Variants in PIAS2 observed in about 807,000 individuals in gnomAD.
PIAS2 encodes protein inhibitor of activated STAT 2.
Under a neutral mutation model 69.7 loss-of-function variants are expected in PIAS2, and 19 were observed. The ratio of observed to expected loss-of-function variants is 0.27; its 90% CI spans 0.19 to 0.40. The LOEUF (loss-of-function observed/expected upper bound fraction) is 0.40. Among genes scored for constraint, PIAS2 ranks in the 10% least tolerant of loss-of-function variants. The pLI is 1.00. For missense variants in PIAS2, 624 were observed against 757.0 expected, an observed-to-expected ratio of 0.82 and a Z score of 2.06; for synonymous variants, 261 against 263.2, an observed-to-expected ratio of 0.99 and a Z score of 0.08.
chr18:46,821,232 A>G (rs561480276), intron 11 of PIAS2, among the ~76,000 whole-genome samples, 160 bp from the exon 12 acceptor site: 3 of 152,178 alleles, frequency 2.0e-5, no homozygotes, highest in African/African-American at 2.4e-5. Flanking sequence ...CTCCTCTCCC[A>G]TAATAGTCTT....
chr18:46,832,061 T>C (rs1340341439), intron 9 of PIAS2, among the ~76,000 whole-genome samples: 3 of 152,196 alleles, frequency 2.0e-5, no homozygotes, highest in African/African-American at 7.2e-5. Flanking sequence ...GGTAAGACGT[T>C]TGTATCCAGA....
At chr18:46,831,030 A>G (rs62095377) in intron 9 of PIAS2, among the ~76,000 whole-genome samples, 178 of 152,318 alleles carry the variant, frequency 1.2e-3, no homozygotes, top group South Asian at 7.5e-3. Context: ...GTCAATCAAC[A>G]TAATTCACCG....
In PIAS2 at chr18:46,917,253, G is replaced by A. The variant is rs888641192; in HGVS notation, c.24+69C>T. On this transcript the variant is annotated intron_variant, in intron 1 of 13. Coordinates refer to ENST00000585916, the MANE Select transcript of PIAS2 (RefSeq NM_004671.5). ...GAGGCACGAGCAGGCGGCGGCCGGC[G>A]ACGTTGCGGTTTCCCCACCTCCTCT... 17 of 1,426,070 alleles carry A rather than the reference G, an allele frequency of 1.2e-5. No homozygotes were observed. In the African/African-American group the frequency reaches 2.2e-4, roughly 19 times the overall value. The allele number at this position is 1,426,070 out of a possible 1,614,324, so 88.3% of individuals were successfully genotyped here.
chr18:46,885,520 C>CAA (rs562180662), intron 2 of PIAS2, among the ~76,000 whole-genome samples: 18 of 112,250 alleles, frequency 1.6e-4, no homozygotes, highest in African/African-American at 5.5e-4. Flanking sequence ...GACTCCATCT[C>CAA]AAAAAAAAAA....
At chr18:46,870,735 A>G (rs2145708749) in intron 2 of PIAS2, among the ~76,000 whole-genome samples, 1 of 152,012 alleles carries the variant, frequency 6.6e-6, no homozygotes, top group African/African-American at 2.4e-5. Flanking sequence ...GGGCAGAGTT[A>G]ATGACCATCC....
chr18:46,815,834 C>CAGTA, intron 12 of PIAS2: 1 of 992,538 alleles, frequency 1.0e-6, no homozygotes, highest in South Asian at 4.6e-5. Flanking sequence ...ACATCAAGAG[C>CAGTA]AGTACATAGT....
At chr18:46,911,906 C>T (rs557172035) in intron 1 of PIAS2, among the ~76,000 whole-genome samples, 1 of 152,212 alleles carries the variant, frequency 6.6e-6, no homozygotes, top group African/African-American at 2.4e-5. Context: ...CAAAAATTAG[C>T]CAGGCATGGT....
chr18:46,829,985 T>G, intron 9 of PIAS2, 118 bp from the exon 10 acceptor site: 1 of 815,982 alleles, frequency 1.2e-6, no homozygotes, highest in Non-Finnish European at 1.9e-6. Flanking sequence ...CCCTTTTCTT[T>G]TGGTATTGCA....
upstream of PIAS2, chr18:46,917,533 A>T (rs2058127577): frequency 8.7e-7 from 1 of 1,144,178 alleles, no homozygotes; most frequent in Non-Finnish European, 1.1e-6. Context: ...TCCGCCTCCG[A>T]CGCGCCGAAG....
chr18:46,859,045 T>C (rs1213445104), intron 3 of PIAS2, among the ~76,000 whole-genome samples: 1 of 152,194 alleles, frequency 6.6e-6, no homozygotes, highest in African/African-American at 2.4e-5. Context: ...CAGAATTCAC[T>C]TTATACTTAG....
intron 11 of PIAS2, among the ~76,000 whole-genome samples, chr18:46,824,916 C>T (rs1470716989): frequency 6.6e-6 from 1 of 151,098 alleles, no homozygotes; most frequent in East Asian, 1.9e-4. Flanking sequence ...AGGAGGATCG[C>T]TTCAACCCAG....
intron 2 of PIAS2, among the ~76,000 whole-genome samples, chr18:46,886,004 T>G (rs1034292006): frequency 6.6e-6 from 1 of 152,234 alleles, no homozygotes; most frequent in Non-Finnish European, 1.5e-5. Context: ...TTTCTAGTTC[T>G]ATTTGTGAAA....
chr18:46,866,910 C>T (rs983773030), intron 2 of PIAS2, among the ~76,000 whole-genome samples: 3 of 152,110 alleles, frequency 2.0e-5, no homozygotes, highest in Non-Finnish European at 2.9e-5. Context: ...TGTGAATTCA[C>T]GAATATAAAT....
chr18:46,887,635 G>C (rs1323624285), intron 2 of PIAS2, among the ~76,000 whole-genome samples: 1 of 152,082 alleles, frequency 6.6e-6, no homozygotes, highest in Non-Finnish European at 1.5e-5. Flanking sequence ...CTAAAAAACT[G>C]CATGTCAAAC....
At position 46,807,383 on chromosome 18, in the gene PIAS2, A is replaced by ATATATATATATTT. The variant is rs869149927; in HGVS notation, c.*5049_*5050insAAATATATATATA. ...TATATATATATATATATATATATAT[A>ATATATATATATTT]TTTTTTTTTTTTTTTTTTTTTTTTT... On this transcript the variant is annotated 3_prime_UTR_variant, in exon 14 of 14. Transcript: ENST00000585916. 8.6e-5 allele frequency: 1 copy of ATATATATATATTT among 11,600 alleles called. No individual in the cohort carries two copies. The highest frequency in any genetic ancestry group is 1.3e-4 in the Non-Finnish European group (1 of 7,454). 0.7% of individuals were successfully genotyped at this position (11,600 alleles called of 1,614,324 possible).
At chr18:46,827,865 A>C in intron 11 of PIAS2, 94 bp downstream of exon 11, 1 of 1,095,348 alleles carries the variant, frequency 9.1e-7, no homozygotes, top group South Asian at 1.8e-5. Flanking sequence ...AGCCTTCTAC[A>C]GTTATGCCAT....
intron 5 of PIAS2, among the ~76,000 whole-genome samples, chr18:46,851,910 T>C (rs1415007032): frequency 5.3e-5 from 8 of 152,308 alleles, no homozygotes; most frequent in Admixed American, 3.3e-4. Context: ...AGAGCTCTAA[T>C]GGGCAATTCA....
At chr18:46,859,921 G>A (rs2048409986) in intron 3 of PIAS2, among the ~76,000 whole-genome samples, 1 of 152,234 alleles carries the variant, frequency 6.6e-6, no homozygotes, top group Non-Finnish European at 1.5e-5. Flanking sequence ...AGAAGTCAGT[G>A]TGAGGAACTG....
Position 46,803,230 on chromosome 18 carries a change from TAGC to T in PIAS2, c.*9200_*9202del, listed in dbSNP as rs2040547318. The T allele has an allele frequency of 6.6e-6, 1 of 152,066 alleles. No homozygotes were observed. Among genetic ancestry groups the T allele is most frequent in the Admixed American group, 6.6e-5 (1 of 15,264 alleles). The allele number at this position is 152,066 out of a possible 1,614,324, so 9.4% of individuals were successfully genotyped here. On this transcript the variant is annotated 3_prime_UTR_variant, in exon 14 of 14. Coordinates refer to ENST00000585916, the MANE Select transcript of PIAS2 (RefSeq NM_004671.5). ...TGAAAGCAATGGGTCATAGTTTAAT[TAGC>T]AGGTTTAATTTTTCTTTAATGTCTT...
Sources: gnomAD v4.1 joint callset for allele counts (sites outside exome capture counted in the v4.1 genomes callset) on GRCh38, gnomAD v4.1.1 for gene constraint, MANE v1.5 for transcripts, NCBI Gene and HGNC (gene_info 2026-07-23, HGNC 2026-07-21) for gene names.